Variants in DLG1 observed in about 807,000 individuals in gnomAD.
DLG1 encodes disks large homolog 1.
Under a neutral mutation model 123.4 loss-of-function variants are expected in DLG1, and 42 were observed. The ratio of observed to expected loss-of-function variants is 0.34; its 90% CI spans 0.27 to 0.44. The LOEUF (loss-of-function observed/expected upper bound fraction) is 0.44. Ranked by LOEUF, DLG1 falls within the 20% of genes least tolerant of loss-of-function variation. The pLI, the probability that DLG1 is intolerant of heterozygous loss-of-function variation, is 1.00. For synonymous variants in DLG1, 317 were observed against 356.2 expected (o/e 0.89, Z 1.24); for missense variants, 942 against 1,082.6 (o/e 0.87, Z 1.82).
At chr3:197,056,295 T>G (rs553225980) in intron 23 of DLG1, among the ~76,000 whole-genome samples, 2 of 152,338 alleles carry the variant, frequency 1.3e-5, no homozygotes, top group South Asian at 2.1e-4. Flanking sequence ...TGCAGCAGTG[T>G]TGCATACCAG....
chr3:197,045,685 A>C (rs1164348274), intron 24 of DLG1, among the ~76,000 whole-genome samples: 1 of 152,188 alleles, frequency 6.6e-6, no homozygotes, highest in Non-Finnish European at 1.5e-5. Context: ...TCACAACTGC[A>C]GTGAGCTATG....
chr3:197,279,354 G>A (rs1456756116), intron 4 of DLG1, among the ~76,000 whole-genome samples: 3 of 152,090 alleles, frequency 2.0e-5, no homozygotes, highest in Non-Finnish European at 4.4e-5. Context: ...TCTATAAGAT[G>A]GTACTTCCTA....
chr3:197,273,188 A>ATGTGTG (rs34778202), intron 4 of DLG1, among the ~76,000 whole-genome samples: 9,999 of 147,460 alleles, frequency 0.068, 453 homozygotes, highest in African/African-American at 0.13. Context: ...CACTGAATAT[A>ATGTGTG]TGTGTGTGTG....
intron 4 of DLG1, among the ~76,000 whole-genome samples, chr3:197,202,045 C>T (rs189979180): frequency 5.7e-4 from 86 of 152,138 alleles, no homozygotes; most frequent in African/African-American, 1.9e-3. Flanking sequence ...GTGGGTACCA[C>T]GTGCATTGCT....
chr3:197,258,034 G>A (rs935404923), intron 4 of DLG1, among the ~76,000 whole-genome samples: 1 of 152,146 alleles, frequency 6.6e-6, no homozygotes, highest in African/African-American at 2.4e-5. Context: ...CTGTAACCAA[G>A]CTGATTAAAG....
At chr3:197,188,729 T>C (rs1421268395) in intron 5 of DLG1, among the ~76,000 whole-genome samples, 3 of 152,210 alleles carry the variant, frequency 2.0e-5, no homozygotes, top group African/African-American at 7.2e-5. Flanking sequence ...TATTAGCTTT[T>C]ATTTTAAAAA....
In DLG1 at chr3:197,208,704, G is replaced by C. The variant is rs542995087; in HGVS notation, c.319-14115C>G. Among the ~76,000 whole-genome samples, 3 of 144,666 alleles carry C rather than the reference G, an allele frequency of 2.1e-5. 1 individual carries two copies. Among genetic ancestry groups the C allele is most frequent in the South Asian group, 2.7e-4 (1 of 3,700 alleles). 94.9% of individuals were successfully genotyped at this position (144,666 alleles called of 152,430 possible). A position where few individuals can be genotyped will look rare whatever the true frequency, so the allele number is the denominator to read the frequency against. On this transcript the variant is annotated intron_variant, in intron 4 of 24. Transcript: ENST00000667157. ...TGTGTGGCGGGGTGGGGGTAGTTGGGGGGATAGTAAGAGGAAGAGAAAATA... is the reference window on the plus strand; with the variant it reads ...TGTGTGGCGGGGTGGGGGTAGTTGGCGGGATAGTAAGAGGAAGAGAAAATA...
intron 23 of DLG1, 115 bp downstream of exon 23, chr3:197,059,774 C>T (rs1002067802): frequency 3.0e-6 from 2 of 659,818 alleles, no homozygotes; most frequent in African/African-American, 3.7e-5. Flanking sequence ...GGTGAATAAA[C>T]ATACTACTAT....
chr3:197,298,760 G>A, upstream of DLG1: 2 of 395,932 alleles, frequency 5.1e-6, no homozygotes, highest in Non-Finnish European at 8.9e-6. Context: ...TGATTGTTAA[G>A]TTACTCTTCG....
At chr3:197,199,033 A>G (rs1370953733) in intron 4 of DLG1, among the ~76,000 whole-genome samples, 2 of 152,228 alleles carry the variant, frequency 1.3e-5, no homozygotes, top group Non-Finnish European at 2.9e-5. Context: ...ACTTTAAAAG[A>G]GTAAATTTTA....
At chr3:197,062,687 G>C (rs532424225) in intron 22 of DLG1, among the ~76,000 whole-genome samples, 7 of 152,152 alleles carry the variant, frequency 4.6e-5, no homozygotes, top group African/African-American at 1.4e-4. Context: ...AAGGAGTCCT[G>C]GATCTTTTAA....
chr3:197,187,390 T>C (rs1383842677), intron 5 of DLG1, among the ~76,000 whole-genome samples: 2 of 152,306 alleles, frequency 1.3e-5, no homozygotes, highest in Non-Finnish European at 2.9e-5. Flanking sequence ...TTTCTTACAA[T>C]TTTTTAAAAA....
chr3:197,069,195 G>C, intron 19 of DLG1, 24 bp downstream of exon 19: 8 of 1,544,510 alleles, frequency 5.2e-6, no homozygotes, highest in African/African-American at 1.4e-5. Flanking sequence ...GATTACAAAA[G>C]AACAAGTAAC....
chr3:197,236,211 G>T (rs567387449), intron 4 of DLG1, among the ~76,000 whole-genome samples: 1 of 152,216 alleles, frequency 6.6e-6, no homozygotes, highest in African/African-American at 2.4e-5. Flanking sequence ...TACTTGGGAG[G>T]CTGAAGCAGG....
chr3:197,169,407 T>A (rs534988447), intron 5 of DLG1, among the ~76,000 whole-genome samples: 17 of 152,240 alleles, frequency 1.1e-4, no homozygotes, highest in African/African-American at 2.6e-4. Context: ...AATGGACATA[T>A]GAGCAGTCAA....
chr3:197,279,817 C>G (rs757973299), intron 4 of DLG1, among the ~76,000 whole-genome samples: 2 of 152,140 alleles, frequency 1.3e-5, no homozygotes, highest in African/African-American at 2.4e-5. Flanking sequence ...GCTTACAAAA[C>G]TGTCCACTTT....
intron 4 of DLG1, among the ~76,000 whole-genome samples, chr3:197,251,282 C>T (rs996012309): frequency 6.6e-5 from 10 of 151,910 alleles, no homozygotes; most frequent in Admixed American, 2.6e-4. Flanking sequence ...TGACATTCTT[C>T]ACAGAAAAAG....
chr3:197,222,318 C>T (rs1447227018), intron 4 of DLG1, among the ~76,000 whole-genome samples: 1 of 152,150 alleles, frequency 6.6e-6, no homozygotes, highest in African/African-American at 2.4e-5. Context: ...CTGCAACAGA[C>T]ATCTTTCAAT....
At chr3:197,143,874 A>T (rs578185709) in intron 6 of DLG1, among the ~76,000 whole-genome samples, 2 of 152,292 alleles carry the variant, frequency 1.3e-5, no homozygotes, top group African/African-American at 4.8e-5. Flanking sequence ...GTCACAATTT[A>T]TCTCCCTCCA....
Sources: allele counts gnomAD v4.1 joint callset (sites outside exome capture counted in the v4.1 genomes callset), GRCh38; gene constraint gnomAD v4.1.1; transcripts MANE v1.5; gene names NCBI Gene and HGNC (gene_info 2026-07-23, HGNC 2026-07-21).